WDR59: variants seen among roughly 807,000 people sequenced by gnomAD.
WDR59 encodes GATOR2 complex protein WDR59.
WDR59 carries 100 observed loss-of-function variants against 131.2 expected under a neutral mutation model. The observed-to-expected ratio is 0.76, with a 90% CI of 0.65 to 0.90. The LOEUF is 0.90. WDR59 is among the 40% of genes least tolerant of loss of function. The pLI, the probability that WDR59 is intolerant of heterozygous loss-of-function variation, is 0.00. For missense variants in WDR59, 1,203 were observed against 1,262.2 expected (o/e 0.95, Z 0.71); for synonymous variants, 601 against 466.2 (o/e 1.29, Z -3.72).
chr16:74,939,242 A>C (rs1230901068), intron 7 of WDR59, among the ~76,000 whole-genome samples: 2 of 152,134 alleles, frequency 1.3e-5, no homozygotes, highest in South Asian at 2.1e-4. Flanking sequence ...TTCCCAGCCC[A>C]AAATTTTTCC....
At chr16:74,974,508 T>A (rs893801937) in intron 1 of WDR59, among the ~76,000 whole-genome samples, 4 of 151,914 alleles carry the variant, frequency 2.6e-5, no homozygotes, top group African/African-American at 9.7e-5. Flanking sequence ...CAGAAAAGAG[T>A]TGGCACAGCG....
chr16:74,962,547 A>G (rs1218193201), intron 2 of WDR59, among the ~76,000 whole-genome samples: 1 of 152,018 alleles, frequency 6.6e-6, no homozygotes, highest in Non-Finnish European at 1.5e-5. Context: ...CTTTGTAACA[A>G]TTGCGAATGG....
intron 7 of WDR59, among the ~76,000 whole-genome samples, chr16:74,939,473 A>C (rs537518115): frequency 6.6e-6 from 1 of 152,230 alleles, no homozygotes; most frequent in South Asian, 2.1e-4. Context: ...GTACGAGGAT[A>C]ATGCATCTGT....
chr16:74,928,626 G>C (rs940004836), intron 8 of WDR59, among the ~76,000 whole-genome samples: 1 of 152,114 alleles, frequency 6.6e-6, no homozygotes, highest in African/African-American at 2.4e-5. Context: ...AATGAAATGG[G>C]TGCACTGGCT....
At chr16:74,880,200 C>G (rs776904801) in intron 25 of WDR59, among the ~76,000 whole-genome samples, 9 of 152,134 alleles carry the variant, frequency 5.9e-5, no homozygotes, top group Non-Finnish European at 8.8e-5. Flanking sequence ...GTAATCCCAG[C>G]ACTTTGGGAG....
At chr16:74,899,442 C>T (rs192710360) in intron 18 of WDR59, among the ~76,000 whole-genome samples, 80 of 152,228 alleles carry the variant, frequency 5.3e-4, no homozygotes, top group African/African-American at 1.8e-3. Context: ...TCCAAGAAAC[C>T]CAGCATTAAC....
At chr16:74,875,168 C>A (rs1346149557) in intron 25 of WDR59, among the ~76,000 whole-genome samples, 1 of 152,240 alleles carries the variant, frequency 6.6e-6, no homozygotes, top group Non-Finnish European at 1.5e-5. Flanking sequence ...CCACTCGCCA[C>A]TGGCCCAAGT....
In WDR59 at chr16:74,917,988, C is replaced by A. The variant is rs1410435338; in HGVS notation, c.907G>T (p.Val303Leu). ...QKEGSKDYQLVTWSRDQTLRM... is the reference protein window; with the variant it reads ...QKEGSKDYQLLTWSRDQTLRM... ...AAGGTCTGATCCCGGGACCACGTCACCAGTTGATAGTCCTTGGACCCTAGA... is the reference window on the plus strand; with the variant it reads ...AAGGTCTGATCCCGGGACCACGTCAACAGTTGATAGTCCTTGGACCCTAGA... The change falls in exon 11 of 26, where the codon GTG (valine) becomes TTG (leucine). Residue 303 changes from valine (V) to leucine (L), a missense_variant. By Grantham distance (32) the Val-to-Leu change is conservative. Coordinates refer to ENST00000262144, the MANE Select transcript of WDR59 (RefSeq NM_030581.4). 2 of 1,613,786 alleles carry A rather than the reference C, an allele frequency of 1.2e-6. No individual in the cohort carries two copies. Among genetic ancestry groups the A allele is most frequent in the Admixed American group, 1.7e-5 (1 of 59,962 alleles).
intron 6 of WDR59, among the ~76,000 whole-genome samples, chr16:74,947,805 T>C (rs2032738718): frequency 6.6e-6 from 1 of 152,178 alleles, no homozygotes; most frequent in Admixed American, 6.6e-5. Flanking sequence ...GCATGGTGGC[T>C]CACACCTGTA....
intron 8 of WDR59, among the ~76,000 whole-genome samples, chr16:74,927,910 T>TTC (rs1318028942): frequency 3.8e-4 from 54 of 141,862 alleles, no homozygotes; most frequent in African/African-American, 1.2e-3. Context: ...CTTTCTTTCT[T>TTC]TTTTTTTTTT....
chr16:74,951,485 G>C lies in WDR59; in HGVS notation c.299C>G (p.Thr100Ser). Residue 100 changes from threonine to serine, a missense_variant, in exon 4 of 26, where the codon ACC becomes AGC. Physicochemically the swap from Thr to Ser is moderately conservative, Grantham distance 58. Transcript: ENST00000262144. ...WKDGSGEVGT[T>S]LQGHTRVISD... is the part of the protein sequence containing the mutation. Reference sequence around the variant, plus strand: ...GATGACACGAGTGTGGCCTTGTAAGGTTGTGCCAACTTCCCCACTGCCGTC... The same window carrying C: ...GATGACACGAGTGTGGCCTTGTAAGCTTGTGCCAACTTCCCCACTGCCGTC... The C allele has an allele frequency of 6.2e-7, 1 of 1,602,918 alleles. No homozygotes were observed. Among genetic ancestry groups the C allele is most frequent in the Non-Finnish European group, 8.5e-7 (1 of 1,175,284 alleles).
chr16:74,918,087 T>C (rs562910612), intron 10 of WDR59, 79 bp from the exon 11 acceptor site: 3 of 1,391,290 alleles, frequency 2.2e-6, no homozygotes, highest in African/African-American at 1.4e-5. Flanking sequence ...TGGAGTGAGA[T>C]TCATCCATCC....
chr16:74,883,833 A>T (rs1392495554), intron 25 of WDR59, among the ~76,000 whole-genome samples: 1 of 152,086 alleles, frequency 6.6e-6, no homozygotes, highest in Non-Finnish European at 1.5e-5. Context: ...TGCCATCCAC[A>T]TGCTGGGGAT....
chr16:74,875,079 T>A (rs554837972), intron 25 of WDR59, among the ~76,000 whole-genome samples: 25 of 152,238 alleles, frequency 1.6e-4, no homozygotes, highest in African/African-American at 5.8e-4. Flanking sequence ...GTTGAACAGG[T>A]ATCAGCTGAA....
chr16:74,901,997 T>G (rs1050290663), intron 18 of WDR59, among the ~76,000 whole-genome samples: 8 of 152,198 alleles, frequency 5.3e-5, no homozygotes, highest in African/African-American at 1.9e-4. Flanking sequence ...TTGAACCACA[T>G]GAATCTTTGT....
At chr16:74,878,683 G>T (rs1964333806) in intron 25 of WDR59, among the ~76,000 whole-genome samples, 1 of 152,070 alleles carries the variant, frequency 6.6e-6, no homozygotes, top group Non-Finnish European at 1.5e-5. Context: ...AAAGTAAAAA[G>T]AAAATATAGT....
chr16:74,892,634 T>A, intron 19 of WDR59, 69 bp from the exon 20 acceptor site: 1 of 1,279,142 alleles, frequency 7.8e-7, no homozygotes, highest in Non-Finnish European at 1.1e-6. Flanking sequence ...ACTCCCAGTT[T>A]AACAGACAGA....
In WDR59 at chr16:74,915,879, G is replaced by A; in HGVS notation, c.1215C>T (p.Val405=). Residue 405 remains valine, a synonymous_variant, in exon 13 of 26, where the codon GTC becomes GTT. Coordinates refer to ENST00000262144, the MANE Select transcript of WDR59 (RefSeq NM_030581.4). ...TGATTAAACTAAGTACCTCCACATT[G>A]ACATTCCGGATTTGCACATTGATCA... ...FSLINVQIRN[V]NVEMDAADRS... 1 of 1,614,172 alleles carries A rather than the reference G, an allele frequency of 6.2e-7. No individual in the cohort carries two copies. The highest frequency in any genetic ancestry group is 8.5e-7 in the Non-Finnish European group (1 of 1,180,030).
Position 74,880,976 on chromosome 16 carries a change from C to T in WDR59, c.2689+4677G>A, listed in dbSNP as rs562686100. Among the ~76,000 whole-genome samples the T allele has an allele frequency of 3.8e-3, 579 of 152,226 alleles. 2 individuals carry two copies. Among genetic ancestry groups the T allele is most frequent in the African/African-American group, 0.013 (542 of 41,520 alleles). ...TATACTGAACCAGTAAACTGTTGAA[C>T]GAAATTTAGGTGAGCAGATCTCTAC... On this transcript the variant is annotated intron_variant, in intron 25 of 25. Coordinates refer to ENST00000262144, the MANE Select transcript of WDR59 (RefSeq NM_030581.4).
Sources: allele counts gnomAD v4.1 joint callset (sites outside exome capture counted in the v4.1 genomes callset), GRCh38; gene constraint gnomAD v4.1.1; transcripts MANE v1.5; gene names NCBI Gene and HGNC (gene_info 2026-07-23, HGNC 2026-07-21).